ZNF628: variants seen among roughly 807,000 people sequenced by gnomAD.
The protein encoded by ZNF628 is zinc finger protein Zec.
A neutral mutation model predicts 2.5 loss-of-function variants in ZNF628; 3 were observed. That is an observed-to-expected ratio of 1.19 (90% CI 0.54 to 3.07). ZNF628 has a LOEUF of 3.07. Ranked by LOEUF, ZNF628 falls within the 30% of genes most tolerant of loss-of-function variation. The probability of loss-of-function intolerance (pLI) is 0.03; values close to 1 mark genes in which losing one functional copy is unlikely to be tolerated. For synonymous variants in ZNF628, 861 were observed against 717.1 expected (o/e 1.20, Z -3.21); for missense variants, 1,610 against 1,517.1 (o/e 1.06, Z -1.02).
In ZNF628 at chr19:55,476,789, C is replaced by T. The variant is rs538738573; in HGVS notation, c.-96C>T. The T allele has an allele frequency of 2.0e-5, 3 of 150,116 alleles. No individual in the cohort carries two copies. In the South Asian group the frequency reaches 6.4e-4, roughly 32 times the overall value. 9.3% of individuals were successfully genotyped at this position (150,116 alleles called of 1,614,324 possible). On this transcript the variant is annotated 5_prime_UTR_variant, in exon 1 of 3. Transcript: ENST00000598519. ...AGGTCCTGGGGCTGCCACCCTCGTTCCCCCGATTGGGGCCGCAGGTGAGAG... is the reference window on the plus strand; with the variant it reads ...AGGTCCTGGGGCTGCCACCCTCGTTTCCCCGATTGGGGCCGCAGGTGAGAG...
Position 55,483,052 on chromosome 19 carries a change from G to A in ZNF628, c.1859G>A (p.Arg620His). The change falls in exon 3 of 3, where the codon CGC becomes CAC. Residue 620 changes from arginine to histidine, a missense_variant. Physicochemically the swap from Arg to His is conservative, Grantham distance 29. Coordinates refer to ENST00000598519, the MANE Select transcript of ZNF628 (RefSeq NM_033113.3). ...LLHQRTHSAERPFTCPICGRG... is the reference protein window; with the variant it reads ...LLHQRTHSAEHPFTCPICGRG... ...CACCAGCGCACGCACTCGGCGGAGCGCCCCTTCACCTGCCCCATCTGCGGT... is the reference window on the plus strand; with the variant it reads ...CACCAGCGCACGCACTCGGCGGAGCACCCCTTCACCTGCCCCATCTGCGGT... 6.2e-7 allele frequency: 1 copy of A among 1,611,130 alleles called. No individual in the cohort carries two copies. Among genetic ancestry groups the A allele is most frequent in the Non-Finnish European group, 8.5e-7 (1 of 1,179,462 alleles).
At position 55,477,464 on chromosome 19, in the gene ZNF628, T is replaced by TA. The variant is rs1423766952; in HGVS notation, c.-78+662dup. 3.3e-5 allele frequency among the ~76,000 whole-genome samples: 5 copies of TA among 152,112 alleles called. No individual in the cohort carries two copies. In the East Asian group the frequency reaches 9.7e-4, roughly 29 times the overall value. On this transcript the variant is annotated intron_variant, in intron 1 of 2. Coordinates refer to ENST00000598519, the MANE Select transcript of ZNF628 (RefSeq NM_033113.3). Reference sequence around the variant, plus strand: ...CATATTAAAGGGTACACTTATCTTTTAAAAAGGAAGTTCTTGGCTAGGCGC... The same window carrying TA: ...CATATTAAAGGGTACACTTATCTTTTAAAAAAGGAAGTTCTTGGCTAGGCGC...
chr19:55,477,018 A>C (rs1487284767), intron 1 of ZNF628, among the ~76,000 whole-genome samples: 2 of 152,242 alleles, frequency 1.3e-5, no homozygotes, highest in African/African-American at 4.8e-5. Context: ...GCATTTTTAC[A>C]GAAGCTTTCT....
In ZNF628 at chr19:55,484,232, G is replaced by T; in HGVS notation, c.3039G>T (p.Ala1013=). 1.9e-6 allele frequency: 3 copies of T among 1,547,428 alleles called. No homozygotes were observed. The highest frequency in any genetic ancestry group is 1.7e-4 in the Middle Eastern group (1 of 5,842). ...CGTCAGGCCCAGCCTCGGGCCCCGC[G>T]GGGCTCCCCGGGGCTCCAGCCTCCC... is the stretch of plus-strand genomic sequence containing the variant. The part of the protein sequence containing the change: ...PPPSGPASGP[A]GLPGAPASQM... Residue 1013 remains alanine (A), a synonymous_variant, in exon 3 of 3, where the codon GCG becomes GCT. Coordinates refer to ENST00000598519, the MANE Select transcript of ZNF628 (RefSeq NM_033113.3).
At chr19:55,480,037 G>A (rs190412145) in intron 2 of ZNF628, 120 bp downstream of exon 2, 2 of 396,736 alleles carry the variant, frequency 5.0e-6, no homozygotes, top group Admixed American at 4.4e-5. Context: ...CAGGCAAGGG[G>A]GTGCCTGTCA....
Position 55,482,758 on chromosome 19 carries a change from C to T in ZNF628, c.1565C>T (p.Ser522Leu). 1 of 1,611,708 alleles carries T rather than the reference C, an allele frequency of 6.2e-7. No individual in the cohort carries two copies. The highest frequency in any genetic ancestry group is 8.5e-7 in the Non-Finnish European group (1 of 1,178,708). Residue 522 changes from serine to leucine, a missense_variant, in exon 3 of 3, where the codon TCG (serine) becomes TTG (leucine). By Grantham distance (145) the Ser-to-Leu change is moderately radical. Transcript: ENST00000598519. ...CAGTGCGGCCTCACCTTCAAGTGGT[C>T]GTCCCACTACCAGTACCACCTGCGG... The part of the protein sequence containing the change: ...CGQCGLTFKW[S>L]SHYQYHLRLH...
In ZNF628 at chr19:55,479,177, GGGTGACA is replaced by G. The variant is rs1986637312; in HGVS notation, c.-77-650_-77-644del. On this transcript the variant is annotated intron_variant, in intron 1 of 2. Transcript: ENST00000598519. This position sits in a 1 kb window ranked among gnomAD's most constrained non-coding sequence, Gnocchi z 5.1. ...AGGAACCAAGCTGGGGACTGAGATG[GGGTGACA>G]GGTGACGGAGGGCAGTGAGGGAGCG... is the stretch of plus-strand genomic sequence containing the variant. Among the ~76,000 whole-genome samples the G allele has an allele frequency of 6.6e-6, 1 of 152,144 alleles. No homozygotes were observed. Among genetic ancestry groups the G allele is most frequent in the African/African-American group, 2.4e-5 (1 of 41,428 alleles).
rs1399753864 is a variant in ZNF628, at chr19:55,484,241, C to T, written c.3048C>T (p.Pro1016=). The T allele has an allele frequency of 7.1e-6, 11 of 1,548,172 alleles. No homozygotes were observed. The highest frequency in any genetic ancestry group is 9.6e-6 in the Non-Finnish European group (11 of 1,146,022). Residue 1016 remains proline (P), a synonymous_variant, in exon 3 of 3, where the codon CCC becomes CCT. Transcript: ENST00000598519. ...CAGCCTCGGGCCCCGCGGGGCTCCC[C>T]GGGGCTCCAGCCTCCCAGATGGTGC... ...SGPASGPAGL[P]GAPASQMVQV...
Position 55,479,066 on chromosome 19 carries a change from G to A in ZNF628, c.-77-768G>A, listed in dbSNP as rs1986634616. Reference sequence around the variant, plus strand: ...ACAGTGGAGTCCTGAGAGTGGGTGGGGGCTCCCAGGGAGAGAGGACAGACA... The same window carrying A: ...ACAGTGGAGTCCTGAGAGTGGGTGGAGGCTCCCAGGGAGAGAGGACAGACA... On this transcript the variant is annotated intron_variant, in intron 1 of 2. Coordinates refer to ENST00000598519, the MANE Select transcript of ZNF628 (RefSeq NM_033113.3). This position sits in a 1 kb window ranked among gnomAD's most constrained non-coding sequence, Gnocchi z 5.1. Among the ~76,000 whole-genome samples, 3 of 152,120 alleles carry A rather than the reference G, an allele frequency of 2.0e-5. No homozygotes were observed. The South Asian group carries it at 6.2e-4, about 31-fold the overall frequency.
chr19:55,481,698 G>A lies in ZNF628; in HGVS notation c.505G>A (p.Val169Met), dbSNP rs1986706321. The A allele has an allele frequency of 2.5e-6, 4 of 1,611,752 alleles. No homozygotes were observed. Among genetic ancestry groups the A allele is most frequent in the South Asian group, 1.1e-5 (1 of 90,956 alleles). Reference protein sequence around the residue: ...NSSSLRRHRHVHTGERPYTCG... With the variant: ...NSSSLRRHRHMHTGERPYTCG... ...GTCCAGCCTGCGGCGCCACCGCCAC[G>A]TGCACACCGGCGAGCGGCCCTACAC... Residue 169 changes from valine to methionine, a missense_variant, in exon 3 of 3, where the codon GTG becomes ATG. Val to Met is a conservative substitution (Grantham distance 21, BLOSUM62 1). Around this residue, in one of 5 missense-constraint regions of ZNF628, gnomAD observed 166 missense variants for 241.3 expected, o/e 0.69. Transcript: ENST00000598519.
At position 55,481,897 on chromosome 19, in the gene ZNF628, C is replaced by T. The variant is rs780521871; in HGVS notation, c.704C>T (p.Ala235Val). 18 of 1,489,486 alleles carry T rather than the reference C, an allele frequency of 1.2e-5. No individual in the cohort carries two copies. Among genetic ancestry groups the T allele is most frequent in the South Asian group, 2.6e-5 (2 of 76,998 alleles). 92.3% of individuals were successfully genotyped at this position (1,489,486 alleles called of 1,614,324 possible). ...THGAAPAPGT[A>V]SAAPPPQSRE... ...GGCGCCGCCCCCGCCCCGGGTACCG[C>T]CTCCGCGGCCCCGCCCCCCCAGTCC... The change falls in exon 3 of 3, where the codon GCC becomes GTC. Residue 235 changes from alanine to valine, a missense_variant. Physicochemically the swap from Ala to Val is moderately conservative, Grantham distance 64. This residue lies in a region of ZNF628 where 651 missense variants were observed against 575.6 expected (regional missense o/e 1.13). Transcript: ENST00000598519.
rs1986840361 is a variant in ZNF628 at position 55,484,105 on chromosome 19, G to C, written c.2912G>C (p.Gly971Ala). 1.3e-6 allele frequency: 2 copies of C among 1,593,240 alleles called. No homozygotes were observed. The highest frequency in any genetic ancestry group is 1.7e-6 in the Non-Finnish European group (2 of 1,171,694). Residue 971 changes from glycine (G) to alanine (A), a missense_variant, in exon 3 of 3, where the codon GGA becomes GCA. Physicochemically the swap from Gly to Ala is moderately conservative, Grantham distance 60 (BLOSUM62 0). Coordinates refer to ENST00000598519, the MANE Select transcript of ZNF628 (RefSeq NM_033113.3). ...GAGCCGCCTGCCACCGGCCCACCCG[G>C]ACAGAAACTCCTCATCATCCGCAGC... ...LTEPPATGPP[G>A]QKLLIIRSAP...
At position 55,482,288 on chromosome 19, in the gene ZNF628, C is replaced by T. The variant is rs1301512802; in HGVS notation, c.1095C>T (p.Phe365=). The part of the protein sequence containing the change: ...GFACLPCGKS[F]RTVAGLSRHQ... ...CCTGTCTGCCCTGCGGCAAGTCCTTCCGGACGGTGGCTGGGCTCTCCCGCC... is the reference window on the plus strand; with the variant it reads ...CCTGTCTGCCCTGCGGCAAGTCCTTTCGGACGGTGGCTGGGCTCTCCCGCC... The change falls in exon 3 of 3, where the codon TTC becomes TTT. Residue 365 remains phenylalanine, a synonymous_variant. Transcript: ENST00000598519. 6.8e-7 allele frequency: 1 copy of T among 1,472,568 alleles called. No individual in the cohort carries two copies. The highest frequency in any genetic ancestry group is 8.9e-7 in the Non-Finnish European group (1 of 1,118,212). The allele number at this position is 1,472,568 out of a possible 1,614,324, so 91.2% of individuals were successfully genotyped here. A position where few individuals can be genotyped will look rare whatever the true frequency, so the allele number is the denominator to read the frequency against.
rs762448718 is a variant in ZNF628 at position 55,483,748 on chromosome 19, C to T, written c.2555C>T (p.Thr852Ile). ...CAGCTCCAGCCAGCACAGGAAGTAA[C>T]CACGGTCCAGCTCCAGCCAGCACAG... The part of the protein sequence containing the change: ...TVQLQPAQEV[T>I]TVQLQPAQEV... The change falls in exon 3 of 3, where the codon ACC (threonine) becomes ATC (isoleucine). Residue 852 changes from threonine to isoleucine, a missense_variant. This residue lies in a region of ZNF628 where 712 missense variants were observed against 603.6 expected (regional missense o/e 1.18). Coordinates refer to ENST00000598519, the MANE Select transcript of ZNF628 (RefSeq NM_033113.3). 1 of 1,612,848 alleles carries T rather than the reference C, an allele frequency of 6.2e-7. No homozygotes were observed. Among genetic ancestry groups the T allele is most frequent in the Non-Finnish European group, 8.5e-7 (1 of 1,179,272 alleles).
chr19:55,478,452 T>G (rs554322692), intron 1 of ZNF628, among the ~76,000 whole-genome samples: 1 of 152,268 alleles, frequency 6.6e-6, no homozygotes, highest in South Asian at 2.1e-4. Context: ...CTGGCCATCC[T>G]GGGTGACCAG....
chr19:55,483,866 T>G lies in ZNF628; in HGVS notation c.2673T>G (p.Val891=), dbSNP rs754063067. 6.2e-7 allele frequency: 1 copy of G among 1,611,178 alleles called. No individual in the cohort carries two copies. Among genetic ancestry groups the G allele is most frequent in the Non-Finnish European group, 8.5e-7 (1 of 1,178,686 alleles). Residue 891 remains valine, a synonymous_variant, in exon 3 of 3, where the codon GTT becomes GTG. Transcript: ENST00000598519. ...AVATEAPNLL[V]VQSGAAEELL... ...CTACTGAGGCACCCAACCTGCTGGTTGTTCAGAGCGGGGCAGCTGAGGAGT... is the reference window on the plus strand; with the variant it reads ...CTACTGAGGCACCCAACCTGCTGGTGGTTCAGAGCGGGGCAGCTGAGGAGT...
Position 55,483,935 on chromosome 19 carries a change from C to A in ZNF628, c.2742C>A (p.Ala914=). The change falls in exon 3 of 3, where the codon GCC becomes GCA. Residue 914 remains alanine, a synonymous_variant. Coordinates refer to ENST00000598519, the MANE Select transcript of ZNF628 (RefSeq NM_033113.3). Reference sequence around the variant, plus strand: ...CCGGGGAGGCGGGGGATGGCGAGGCCAGCACTGGTGTGGTCCAGGATGTCC... The same window carrying A: ...CCGGGGAGGCGGGGGATGGCGAGGCAAGCACTGGTGTGGTCCAGGATGTCC... ...PGPGEAGDGE[A]STGVVQDVLF... The A allele has an allele frequency of 6.3e-7, 1 of 1,575,122 alleles. No homozygotes were observed.
Position 55,483,696 on chromosome 19 carries a change from C to T in ZNF628, c.2503C>T (p.Gln835Ter), listed in dbSNP as rs1568469055. The change falls in exon 3 of 3, where the codon CAG becomes TAG. Residue 835 changes from glutamine to a stop codon, truncating the protein, a stop_gained. Coordinates refer to ENST00000598519, the MANE Select transcript of ZNF628 (RefSeq NM_033113.3). LOFTEE classifies it low-confidence loss of function (END_TRUNC). ...CCCAGAAGTAACCACGGTCCAGCTCCAGCCAGCGCAGGAGGTGACCACAGT... is the reference window on the plus strand; with the variant it reads ...CCCAGAAGTAACCACGGTCCAGCTCTAGCCAGCGCAGGAGGTGACCACAGT... The part of the protein sequence containing the change: ...PAPEVTTVQL[Q>*]PAQEVTTVQL... The T allele has an allele frequency of 1.2e-6, 2 of 1,613,622 alleles. No individual in the cohort carries two copies. The highest frequency in any genetic ancestry group is 1.7e-6 in the Non-Finnish European group (2 of 1,179,840).
At chr19:55,480,503 C>T (rs113482610) in intron 2 of ZNF628, among the ~76,000 whole-genome samples, 11,889 of 152,214 alleles carry the variant, frequency 0.078, 519 homozygotes, top group East Asian at 0.12. Context: ...TCACTGAAAC[C>T]TCCACCTCCT....
Sources: allele counts gnomAD v4.1 joint callset (sites outside exome capture counted in the v4.1 genomes callset), GRCh38; gene constraint gnomAD v4.1.1; regional missense constraint gnomAD v4.1.1; non-coding constraint Gnocchi (gnomAD v3.1); transcripts MANE v1.5; gene names NCBI Gene and HGNC (gene_info 2026-07-23, HGNC 2026-07-21).